ROBO2: variants seen among roughly 807,000 people sequenced by gnomAD.
ROBO2 encodes roundabout homolog 2.
Under a neutral mutation model 160.8 loss-of-function variants are expected in ROBO2, and 53 were observed. The observed-to-expected ratio is 0.33, with a 90% confidence interval of 0.26 to 0.41. The LOEUF is 0.41. ROBO2 is among the 10% of genes least tolerant of loss of function. ROBO2 has a pLI of 1.00. For missense variants in ROBO2, 1,577 were observed against 1,722.4 expected (o/e 0.92, Z 1.49); for synonymous variants, 664 against 611.7 (o/e 1.09, Z -1.26).
At position 76,368,647 on chromosome 3, in the gene ROBO2, G is replaced by A. The variant is rs553921621; in HGVS notation, c.109+431045G>A. 2.5e-4 allele frequency among the ~76,000 whole-genome samples: 38 copies of A among 152,018 alleles called. 1 individual carries two copies. The highest frequency in any genetic ancestry group is 9.2e-4 in the African/African-American group (38 of 41,490). On this transcript the variant is annotated intron_variant, in intron 2 of 26. Coordinates refer to the ROBO2 transcript ENST00000487694. ...CTGACCGTTTCAAGAGATGGGAAATGGAAGCTGCCTATTTCTTAAGACCTG... is the reference window on the plus strand; with the variant it reads ...CTGACCGTTTCAAGAGATGGGAAATAGAAGCTGCCTATTTCTTAAGACCTG...
At chr3:77,121,780 A>G (rs902554711) in intron 2 of ROBO2, among the ~76,000 whole-genome samples, 1 of 152,072 alleles carries the variant, frequency 6.6e-6, no homozygotes, top group African/African-American at 2.4e-5. Flanking sequence ...TCTCTATATT[A>G]TAGAATTATG....
intron 15 of ROBO2, among the ~76,000 whole-genome samples, chr3:77,579,088 A>G (rs1348689147): frequency 6.6e-6 from 1 of 152,104 alleles, no homozygotes; most frequent in African/African-American, 2.4e-5. Flanking sequence ...GCTCCGAAAC[A>G]AATCATATGT....
chr3:76,786,441 A>G (rs1576611319), intron 2 of ROBO2, among the ~76,000 whole-genome samples: 1 of 151,410 alleles, frequency 6.6e-6, no homozygotes, highest in Admixed American at 6.6e-5. Flanking sequence ...GGTGAAGGGG[A>G]AGTAGGCATA....
At chr3:77,288,492 A>G (rs1309279582) in intron 2 of ROBO2, among the ~76,000 whole-genome samples, 1 of 152,204 alleles carries the variant, frequency 6.6e-6, no homozygotes, top group Non-Finnish European at 1.5e-5. Flanking sequence ...TGACACTGCA[A>G]AGCAATTAGC....
chr3:76,216,292 T>C (rs1347272372), intron 2 of ROBO2, among the ~76,000 whole-genome samples: 2 of 152,122 alleles, frequency 1.3e-5, no homozygotes, highest in Non-Finnish European at 2.9e-5. Flanking sequence ...AATGAGAGGA[T>C]AAAATTCACA....
intron 2 of ROBO2, among the ~76,000 whole-genome samples, chr3:76,308,078 A>G (rs1043917495): frequency 9.9e-5 from 15 of 152,112 alleles, no homozygotes; most frequent in African/African-American, 3.6e-4. Flanking sequence ...TAAATGCAGG[A>G]AAGAATTATC....
chr3:76,989,453 A>G (rs1180873997), intron 2 of ROBO2, among the ~76,000 whole-genome samples: 2 of 152,130 alleles, frequency 1.3e-5, no homozygotes, highest in Non-Finnish European at 2.9e-5. Context: ...ATTTCCCATT[A>G]TAGTCTCTGT....
At chr3:75,975,276 G>A (rs919153259) in intron 2 of ROBO2, among the ~76,000 whole-genome samples, 1 of 151,476 alleles carries the variant, frequency 6.6e-6, no homozygotes, top group Admixed American at 6.6e-5. Flanking sequence ...TTAATAGTTT[G>A]TTGGCCTCTT....
chr3:76,175,691 T>C (rs1575757218), intron 2 of ROBO2, among the ~76,000 whole-genome samples: 1 of 152,116 alleles, frequency 6.6e-6, no homozygotes, highest in Non-Finnish European at 1.5e-5. Context: ...TATTTTTATT[T>C]ATACCTTGAG....
chr3:76,945,636 C>T (rs2078485318), intron 2 of ROBO2, among the ~76,000 whole-genome samples: 2 of 152,150 alleles, frequency 1.3e-5, no homozygotes, highest in South Asian at 4.1e-4. Context: ...TTGTTTAATA[C>T]TTTTTCCTTC....
intron 2 of ROBO2, among the ~76,000 whole-genome samples, chr3:77,351,826 T>G (rs1581255033): frequency 6.6e-6 from 1 of 151,924 alleles, no homozygotes; most frequent in Non-Finnish European, 1.5e-5. Flanking sequence ...GAGTCGCAGG[T>G]TTTTTTGTCC....
intron 2 of ROBO2, among the ~76,000 whole-genome samples, chr3:76,504,181 C>T (rs769834727): frequency 3.8e-4 from 58 of 152,148 alleles, no homozygotes; most frequent in Non-Finnish European, 7.1e-4. Context: ...TGTTTGGCCA[C>T]TGAGAACACT....
chr3:77,034,834 C>T (rs769841579), intron 2 of ROBO2, among the ~76,000 whole-genome samples: 55 of 151,802 alleles, frequency 3.6e-4, no homozygotes, highest in African/African-American at 1.0e-3. Context: ...AATTCCAGAT[C>T]GGAGCAGATG....
intron 2 of ROBO2, among the ~76,000 whole-genome samples, chr3:76,332,497 C>T (rs2073567490): frequency 6.6e-6 from 1 of 152,148 alleles, no homozygotes; most frequent in African/African-American, 2.4e-5. Flanking sequence ...GTTTCAAACT[C>T]GTAGATTCAA....
intron 2 of ROBO2, among the ~76,000 whole-genome samples, chr3:76,804,915 T>C (rs774278212): frequency 1.3e-5 from 2 of 152,114 alleles, no homozygotes; most frequent in African/African-American, 2.4e-5. Flanking sequence ...ATAAGTAAGG[T>C]AGTATAAGGA....
intron 2 of ROBO2, among the ~76,000 whole-genome samples, chr3:76,995,573 T>G (rs1190584692): frequency 2.6e-5 from 4 of 152,188 alleles, no homozygotes. Context: ...ACCAACAGTG[T>G]AAAAGTGTTC....
At chr3:75,989,782 G>A (rs759043251) in intron 2 of ROBO2, among the ~76,000 whole-genome samples, 6 of 152,340 alleles carry the variant, frequency 3.9e-5, no homozygotes, top group Non-Finnish European at 7.3e-5. Context: ...TGCAGATAGA[G>A]AAACAGATGA....
rs184080216 is a variant in ROBO2, at chr3:77,481,191, C to G, written c.639C>G (p.Asp213Glu). 2.1e-4 allele frequency: 329 copies of G among 1,602,134 alleles called. 1 individual carries two copies. The African/African-American group carries it at 3.7e-3, about 18-fold the overall frequency. ...GTACCAATATGGTGGGAGAAAGGGA[C>G]AGTGACCCAGCAGAGCTGACTGTCT... Residue 213 changes from aspartate to glutamate, a missense_variant, in exon 4 of 26, where the codon GAC (aspartate) becomes GAG (glutamate). Transcript: ENST00000461745.
intron 1 of ROBO2, among the ~76,000 whole-genome samples, chr3:77,076,633 A>T (rs1487193111): frequency 1.3e-5 from 2 of 152,186 alleles, no homozygotes; most frequent in African/African-American, 4.8e-5. Flanking sequence ...TTGCCTTAAA[A>T]CTTGAATAAA....
Sources: gnomAD v4.1 joint callset for allele counts (sites outside exome capture counted in the v4.1 genomes callset) on GRCh38, gnomAD v4.1.1 for gene constraint, MANE v1.5 for transcripts, NCBI Gene and HGNC (gene_info 2026-07-23, HGNC 2026-07-21) for gene names.